SMURF1: variants seen among roughly 807,000 people sequenced by gnomAD.
The protein encoded by SMURF1 is E3 ubiquitin-protein ligase SMURF1.
A neutral mutation model predicts 98.0 loss-of-function variants in SMURF1; 44 were observed. The observed-to-expected ratio is 0.45, with a 90% CI of 0.35 to 0.58. SMURF1 has a LOEUF of 0.58. SMURF1 is among the 20% of genes least tolerant of loss of function. The probability of loss-of-function intolerance (pLI) is 0.00; values close to 1 mark genes in which losing one functional copy is unlikely to be tolerated. For synonymous variants in SMURF1, 396 were observed against 374.9 expected (o/e 1.06, Z -0.65); for missense variants, 687 against 938.4 (o/e 0.73, Z 3.50).
At chr7:99,134,181 CG>C (rs1797935553) in intron 1 of SMURF1, among the ~76,000 whole-genome samples, 1 of 137,398 alleles carries the variant, frequency 7.3e-6, no homozygotes, top group Non-Finnish European at 1.6e-5. Flanking sequence ...GGTTTTGTTT[CG>C]TTTTTTTTTG....
At chr7:99,061,075 G>A (rs954951576) in intron 2 of SMURF1, among the ~76,000 whole-genome samples, 20 of 152,030 alleles carry the variant, frequency 1.3e-4, no homozygotes, top group Non-Finnish European at 1.9e-4. Flanking sequence ...GCCTTAATTC[G>A]GTAAGTCCCT....
chr7:99,113,352 C>A (rs1797364569), intron 1 of SMURF1, among the ~76,000 whole-genome samples: 1 of 151,992 alleles, frequency 6.6e-6, no homozygotes, highest in African/African-American at 2.4e-5. Context: ...AACCATAGAG[C>A]CAAAGGCAAT....
intron 1 of SMURF1, among the ~76,000 whole-genome samples, chr7:99,066,141 A>T (rs187787562): frequency 6.6e-6 from 1 of 152,038 alleles, no homozygotes; most frequent in East Asian, 1.9e-4. Flanking sequence ...ACCCTTGTCC[A>T]AGCTCCCAAC....
At chr7:99,041,335 G>A (rs993231837) in intron 12 of SMURF1, among the ~76,000 whole-genome samples, 2 of 152,198 alleles carry the variant, frequency 1.3e-5, no homozygotes, top group South Asian at 4.1e-4. Context: ...CTGGGAGGCA[G>A]AGGTTGCAGT....
intron 1 of SMURF1, 31 bp downstream of exon 1, chr7:99,143,694 CG>C (rs1563049486): frequency 1.3e-6 from 2 of 1,531,280 alleles, no homozygotes; most frequent in Non-Finnish European, 8.8e-7. Context: ...GAGGGGGCGC[CG>C]GGGCGCGGGT....
intron 1 of SMURF1, among the ~76,000 whole-genome samples, chr7:99,065,096 G>GTT (rs796330639): frequency 2.1e-5 from 3 of 145,742 alleles, no homozygotes; most frequent in Non-Finnish European, 3.0e-5. Flanking sequence ...AGTGAGTTGG[G>GTT]TTTTTTTTTT....
At chr7:99,057,382 G>C in intron 4 of SMURF1, 36 bp downstream of exon 4, 3 of 1,612,114 alleles carry the variant, frequency 1.9e-6, no homozygotes, top group Non-Finnish European at 2.5e-6. Context: ...GCTTTCTTTG[G>C]TTGCATTAAG....
intron 1 of SMURF1, among the ~76,000 whole-genome samples, chr7:99,063,969 G>C (rs1250565932): frequency 6.6e-6 from 1 of 152,068 alleles, no homozygotes; most frequent in Non-Finnish European, 1.5e-5. Context: ...CGGATTACTT[G>C]ACATCACGAA....
intron 8 of SMURF1, chr7:99,050,897 G>A (rs763921308): frequency 3.7e-6 from 5 of 1,358,908 alleles, no homozygotes; most frequent in Admixed American, 4.2e-5. Context: ...TATGGGGTGG[G>A]GGGGGGGTCT....
At chr7:99,071,482 TG>T (rs1443314378) in intron 1 of SMURF1, among the ~76,000 whole-genome samples, 1 of 152,154 alleles carries the variant, frequency 6.6e-6, no homozygotes, top group Admixed American at 6.5e-5. Context: ...AACCGGTAAC[TG>T]GGGATCACTC....
Position 99,028,851 on chromosome 7 carries a change from A to C in SMURF1, c.*1733T>G, listed in dbSNP as rs1238582971. ...CTGTAGTTTTCACTTCCTCACCTTC[A>C]AGAGGAAGATGATGCAAGGAAAGGC... On this transcript the variant is annotated 3_prime_UTR_variant, in exon 18 of 18. Transcript: ENST00000361368. 1 of 152,168 alleles carries C rather than the reference A, an allele frequency of 6.6e-6. No individual in the cohort carries two copies. Among genetic ancestry groups the C allele is most frequent in the Admixed American group, 6.5e-5 (1 of 15,268 alleles). 9.4% of individuals were successfully genotyped at this position (152,168 alleles called of 1,614,324 possible). A position where few individuals can be genotyped will look rare whatever the true frequency, so the allele number is the denominator to read the frequency against.
chr7:99,127,869 T>C (rs1303069695), intron 1 of SMURF1, among the ~76,000 whole-genome samples: 1 of 152,170 alleles, frequency 6.6e-6, no homozygotes, highest in African/African-American at 2.4e-5. Context: ...TGGACTGGCT[T>C]GCGTCTATTC....
chr7:99,086,809 T>C (rs1796690539), intron 1 of SMURF1, among the ~76,000 whole-genome samples: 2 of 152,220 alleles, frequency 1.3e-5, no homozygotes, highest in South Asian at 4.1e-4. Context: ...AGAAGTCACA[T>C]ACAAAGGACC....
intron 1 of SMURF1, among the ~76,000 whole-genome samples, chr7:99,130,303 A>G (rs1467446135): frequency 6.6e-6 from 1 of 152,146 alleles, no homozygotes; most frequent in Non-Finnish European, 1.5e-5. Flanking sequence ...AATACAAAAA[A>G]TTAGCCAGGC....
intron 1 of SMURF1, among the ~76,000 whole-genome samples, chr7:99,142,642 G>GC (rs1427774932): frequency 7.4e-6 from 1 of 135,554 alleles, no homozygotes; most frequent in Non-Finnish European, 1.6e-5. Context: ...CGGTGTGGGG[G>GC]GGTGAGGGAG....
intron 1 of SMURF1, among the ~76,000 whole-genome samples, chr7:99,066,998 C>T (rs117438229): frequency 1.3e-3 from 153 of 121,664 alleles, no homozygotes; most frequent in African/African-American, 4.0e-3. Context: ...ATTTTTTTTT[C>T]TTTTTTTTTT....
At position 99,053,867 on chromosome 7, in the gene SMURF1, C is replaced by T. The variant is rs1177093794; in HGVS notation, c.479+923G>A. On this transcript the variant is annotated intron_variant, in intron 6 of 17. Transcript: ENST00000361368. ...TTTTTTTAGTGTGTTGAGTTCCTCC[C>T]CCCGTCATTATGAACCCAAAGATTT... 3.3e-5 allele frequency among the ~76,000 whole-genome samples: 5 copies of T among 152,108 alleles called. No homozygotes were observed. In the East Asian group the frequency reaches 9.6e-4, roughly 29 times the overall value.
intron 1 of SMURF1, among the ~76,000 whole-genome samples, chr7:99,131,188 C>A (rs1190332651): frequency 6.6e-6 from 1 of 152,030 alleles, no homozygotes; most frequent in Admixed American, 6.5e-5. Flanking sequence ...GCTAATTTAA[C>A]CTAGGTTTTC....
intron 9 of SMURF1, 88 bp from the exon 10 acceptor site, chr7:99,047,970 GAGCT>G: frequency 8.3e-7 from 1 of 1,206,488 alleles, no homozygotes; most frequent in Non-Finnish European, 1.2e-6. Flanking sequence ...TCAGAGGAGA[GAGCT>G]AGCTGCACAC....
Sources: gnomAD v4.1 joint callset for allele counts (sites outside exome capture counted in the v4.1 genomes callset) on GRCh38, gnomAD v4.1.1 for gene constraint, MANE v1.5 for transcripts, NCBI Gene and HGNC (gene_info 2026-07-23, HGNC 2026-07-21) for gene names.